NR2C2: variants seen among roughly 807,000 people sequenced by gnomAD.
NR2C2 encodes nuclear receptor subfamily 2 group C member 2, also known as Nuclear hormone receptor TR4.
In NR2C2, 6 loss-of-function variants were observed where a neutral mutation model predicts 62.9. The observed-to-expected ratio is 0.10, with a 90% CI of 0.05 to 0.19. The LOEUF (loss-of-function observed/expected upper bound fraction) is 0.19, where lower values mean the gene tolerates loss of function less well. Ranked by LOEUF, NR2C2 falls within the 10% of genes least tolerant of loss-of-function variation. NR2C2 has a pLI of 1.00. For synonymous variants in NR2C2, 272 were observed against 273.8 expected (o/e 0.99, Z 0.07); for missense variants, 479 against 762.7 (o/e 0.63, Z 4.38).
intron 2 of NR2C2, among the ~76,000 whole-genome samples, chr3:15,008,604 C>T (rs1044791363): frequency 6.6e-6 from 1 of 151,692 alleles, no homozygotes; most frequent in African/African-American, 2.4e-5. Flanking sequence ...CATTCATTGG[C>T]AGGCTCTTCT....
At chr3:14,973,834 G>A (rs9942109) in intron 1 of NR2C2, among the ~76,000 whole-genome samples, 11,277 of 151,938 alleles carry the variant, frequency 0.074, 447 homozygotes, top group Middle Eastern at 0.099. Context: ...CCGTTTTTAA[G>A]TACGGATGTT....
chr3:15,030,540 C>T, intron 9 of NR2C2, 88 bp downstream of exon 9: 1 of 1,369,070 alleles, frequency 7.3e-7, no homozygotes, highest in South Asian at 1.6e-5. Flanking sequence ...AAAAATCAAA[C>T]CTTGGGGCCA....
At position 15,043,026 on chromosome 3, in the gene NR2C2, C is replaced by T. The variant is rs759363555; in HGVS notation, c.*18C>T. 6 of 1,608,534 alleles carry T rather than the reference C, an allele frequency of 3.7e-6. No homozygotes were observed. The South Asian group carries it at 6.6e-5, about 18-fold the overall frequency. ...GTCTATAGCGCAAACCACACACCTG[C>T]CAAGGAGCAACAGAATCCTTCCAGG... On this transcript the variant is annotated 3_prime_UTR_variant, in exon 14 of 14. Transcript: ENST00000425241.
intron 2 of NR2C2, among the ~76,000 whole-genome samples, chr3:15,006,689 C>G (rs1292591685): frequency 6.6e-6 from 1 of 152,094 alleles, no homozygotes; most frequent in Admixed American, 6.6e-5. Context: ...AGAAACTGTT[C>G]CTCCCAGGGC....
rs1302149577 is a variant in NR2C2, at chr3:15,046,163, T to C, written c.*3155T>C. 6.6e-6 allele frequency: 1 copy of C among 152,274 alleles called. No individual in the cohort carries two copies. Among genetic ancestry groups the C allele is most frequent in the East Asian group, 1.9e-4 (1 of 5,198 alleles). The allele number at this position is 152,274 out of a possible 1,614,324, so 9.4% of individuals were successfully genotyped here. A position where few individuals can be genotyped will look rare whatever the true frequency, so the allele number is the denominator to read the frequency against. On this transcript the variant is annotated 3_prime_UTR_variant, in exon 14 of 14. Transcript: ENST00000425241. Reference sequence around the variant, plus strand: ...GTCCTGAGGAGTTACATTTATTGTCTAACCCTTGCCATAAGGCTGTGGTTT... The same window carrying C: ...GTCCTGAGGAGTTACATTTATTGTCCAACCCTTGCCATAAGGCTGTGGTTT...
chr3:14,977,381 C>T (rs111515316), intron 1 of NR2C2, among the ~76,000 whole-genome samples: 1 of 152,320 alleles, frequency 6.6e-6, no homozygotes, highest in African/African-American at 2.4e-5. Flanking sequence ...TGGCAGATGG[C>T]TTTCAGCTCT....
At chr3:14,987,426 T>C (rs916603172) in intron 1 of NR2C2, among the ~76,000 whole-genome samples, 4 of 152,224 alleles carry the variant, frequency 2.6e-5, no homozygotes, top group Admixed American at 2.0e-4. Flanking sequence ...AGAACACCAG[T>C]AATTTCAGAT....
chr3:15,018,464 C>T (rs1276975812), intron 4 of NR2C2, among the ~76,000 whole-genome samples: 3 of 152,174 alleles, frequency 2.0e-5, no homozygotes, highest in African/African-American at 4.8e-5. Flanking sequence ...ATAGACATTT[C>T]GCAAAAGAAG....
Position 15,037,209 on chromosome 3 carries a change from TTGTGTGTGTGTGTG to T in NR2C2, c.1373-773_1373-760del, listed in dbSNP as rs373045181. 2.0e-3 allele frequency among the ~76,000 whole-genome samples: 263 copies of T among 130,294 alleles called. 4 individuals are homozygous for T. Among genetic ancestry groups the T allele is most frequent in the Admixed American group, 0.018 (241 of 13,316 alleles). 85.5% of individuals were successfully genotyped at this position (130,294 alleles called of 152,430 possible). A position where few individuals can be genotyped will look rare whatever the true frequency, so the allele number is the denominator to read the frequency against. On this transcript the variant is annotated intron_variant, in intron 11 of 13. Coordinates refer to ENST00000425241, the MANE Select transcript of NR2C2 (RefSeq NM_001291694.2). Reference sequence around the variant, plus strand: ...TTTTTGTTGTGTTATTGTTTTTTGTTTGTGTGTGTGTGTGTGTGTGTGTGTGTGTGTTTTTGTTT... The same window carrying T: ...TTTTTGTTGTGTTATTGTTTTTTGTTTGTGTGTGTGTGTGTGTTTTTGTTT...
chr3:14,978,511 T>A (rs2040271095), intron 1 of NR2C2, among the ~76,000 whole-genome samples: 1 of 152,370 alleles, frequency 6.6e-6, no homozygotes, highest in East Asian at 1.9e-4. Flanking sequence ...TAAAGTAAGT[T>A]GAACCATTGT....
intron 2 of NR2C2, among the ~76,000 whole-genome samples, chr3:15,012,486 A>G (rs2041383820): frequency 6.6e-6 from 1 of 152,196 alleles, no homozygotes; most frequent in Non-Finnish European, 1.5e-5. Context: ...TCGGCCTCCC[A>G]GAGTGTTGGG....
At chr3:15,035,763 A>G (rs1327606527) in intron 11 of NR2C2, among the ~76,000 whole-genome samples, 2 of 152,236 alleles carry the variant, frequency 1.3e-5, no homozygotes, top group Non-Finnish European at 2.9e-5. Context: ...GCAGTGGCTC[A>G]CGCCTATAAT....
intron 1 of NR2C2, among the ~76,000 whole-genome samples, chr3:14,957,862 A>C (rs971643857): frequency 6.6e-6 from 1 of 151,902 alleles, no homozygotes; most frequent in Non-Finnish European, 1.5e-5. Context: ...ACTCCTGATA[A>C]TTCTCTGTTG....
Position 15,043,201 on chromosome 3 carries a change from G to A in NR2C2, c.*193G>A, listed in dbSNP as rs2042332433. On this transcript the variant is annotated 3_prime_UTR_variant, in exon 14 of 14. Coordinates refer to ENST00000425241, the MANE Select transcript of NR2C2 (RefSeq NM_001291694.2). ...AGGATCCTTTCCTGACATAAGAAAT[G>A]TTTTAATGCCTTTTGATGAAGCAGC... The A allele has an allele frequency of 2.4e-6, 1 of 411,234 alleles. No individual in the cohort carries two copies. The highest frequency in any genetic ancestry group is 1.3e-4 in the South Asian group (1 of 7,964). 25.5% of individuals were successfully genotyped at this position (411,234 alleles called of 1,614,324 possible). A position where few individuals can be genotyped will look rare whatever the true frequency, so the allele number is the denominator to read the frequency against.
chr3:14,956,505 C>T (rs962325253), intron 1 of NR2C2, among the ~76,000 whole-genome samples: 19 of 152,074 alleles, frequency 1.2e-4, no homozygotes, highest in Non-Finnish European at 4.4e-5. Context: ...TTTAACAGGG[C>T]GAATTACAAA....
At chr3:14,972,164 CTTTT>C (rs1436530101) in intron 1 of NR2C2, among the ~76,000 whole-genome samples, 10 of 139,236 alleles carry the variant, frequency 7.2e-5, no homozygotes, top group African/African-American at 2.6e-4. Context: ...TTTTTTTTTT[CTTTT>C]TCTTTCTTTT....
At chr3:15,014,892 G>A (rs957186088) in intron 3 of NR2C2, among the ~76,000 whole-genome samples, 4 of 152,118 alleles carry the variant, frequency 2.6e-5, no homozygotes, top group Non-Finnish European at 5.9e-5. Flanking sequence ...TCCACCTTTT[G>A]GCTGTTGAAT....
At position 15,045,720 on chromosome 3, in the gene NR2C2, C is replaced by T. The variant is rs970901110; in HGVS notation, c.*2712C>T. Reference sequence around the variant, plus strand: ...AAGAGATGCAAACCAAATATTTGGGCTCCAACTTTCACAGGGCTTATAGCC... The same window carrying T: ...AAGAGATGCAAACCAAATATTTGGGTTCCAACTTTCACAGGGCTTATAGCC... On this transcript the variant is annotated 3_prime_UTR_variant, in exon 14 of 14. Coordinates refer to ENST00000425241, the MANE Select transcript of NR2C2 (RefSeq NM_001291694.2). 12 of 152,674 alleles carry T rather than the reference C, an allele frequency of 7.9e-5. No homozygotes were observed. Among genetic ancestry groups the T allele is most frequent in the African/African-American group, 2.9e-4 (12 of 41,474 alleles). 9.5% of individuals were successfully genotyped at this position (152,674 alleles called of 1,614,324 possible). A position where few individuals can be genotyped will look rare whatever the true frequency, so the allele number is the denominator to read the frequency against.
Position 15,024,099 on chromosome 3 carries a change from T to C in NR2C2, c.705-16T>C, listed in dbSNP as rs754363959. The C allele has an allele frequency of 1.6e-5, 25 of 1,588,542 alleles. No homozygotes were observed. Among genetic ancestry groups the C allele is most frequent in the Non-Finnish European group, 2.1e-5 (24 of 1,158,372 alleles). ...AATGTTGGAAGCTACTCTGAGTTTC[T>C]TTATGTCTTAAATAGACAAACAGGT... On this transcript the variant is annotated splice_polypyrimidine_tract_variant and intron_variant, in intron 6 of 13. Coordinates refer to ENST00000425241, the MANE Select transcript of NR2C2 (RefSeq NM_001291694.2).
Sources: gnomAD v4.1 joint callset for allele counts (sites outside exome capture counted in the v4.1 genomes callset) on GRCh38, gnomAD v4.1.1 for gene constraint, MANE v1.5 for transcripts, NCBI Gene and HGNC (gene_info 2026-07-23, HGNC 2026-07-21) for gene names.